The following GRID1 variants were observed in gnomAD, a reference collection of about 807,000 sequenced individuals.
GRID1 encodes glutamate ionotropic receptor delta type subunit 1.
GRID1 carries 28 observed loss-of-function variants against 98.0 expected under a neutral mutation model. That is an observed-to-expected ratio of 0.29 (90% CI 0.21 to 0.39). The LOEUF (loss-of-function observed/expected upper bound fraction) is 0.39. Among genes scored for constraint, GRID1 ranks in the 10% least tolerant of loss-of-function variants. The probability of loss-of-function intolerance (pLI) is 1.00; values close to 1 mark genes in which losing one functional copy is unlikely to be tolerated. For missense variants in GRID1, 1,111 were observed against 1,340.5 expected, an observed-to-expected ratio of 0.83 and a Z score of 2.67; for synonymous variants, 553 against 538.5, an observed-to-expected ratio of 1.03 and a Z score of -0.37.
intron 2 of GRID1, among the ~76,000 whole-genome samples, chr10:86,267,412 T>C (rs1253704968): frequency 6.6e-6 from 1 of 152,218 alleles, no homozygotes; most frequent in East Asian, 1.9e-4. Flanking sequence ...AGTGCCCATC[T>C]CTTCCTGACA....
chr10:85,607,770 A>G (rs370633027), intron 15 of GRID1, among the ~76,000 whole-genome samples: 2 of 151,368 alleles, frequency 1.3e-5, no homozygotes, highest in Non-Finnish European at 1.5e-5. Context: ...GAGAACTCAC[A>G]TCTACCAGGT....
chr10:86,016,936 G>C (rs1842988410), intron 4 of GRID1, among the ~76,000 whole-genome samples: 2 of 152,172 alleles, frequency 1.3e-5, no homozygotes, highest in Admixed American at 1.3e-4. Flanking sequence ...TTGGTCTTGA[G>C]TCTAGCATGG....
intron 2 of GRID1, among the ~76,000 whole-genome samples, chr10:86,250,715 G>A (rs938483710): frequency 1.1e-4 from 16 of 151,860 alleles, no homozygotes; most frequent in Non-Finnish European, 2.4e-4. Context: ...CCGCCGCCCC[G>A]TCTGGGAGGT....
At chr10:85,986,453 G>C (rs1463094011) in intron 4 of GRID1, among the ~76,000 whole-genome samples, 2 of 152,226 alleles carry the variant, frequency 1.3e-5, no homozygotes, top group Non-Finnish European at 2.9e-5. Flanking sequence ...AATTGTGTTA[G>C]TTGCAGAGAC....
intron 4 of GRID1, among the ~76,000 whole-genome samples, chr10:86,133,000 T>C (rs1844861390): frequency 6.6e-6 from 1 of 152,274 alleles, no homozygotes; most frequent in Non-Finnish European, 1.5e-5. Flanking sequence ...CCAGCTTTTC[T>C]CTCTGCTGTT....
chr10:85,751,573 G>A (rs780296967), intron 8 of GRID1, among the ~76,000 whole-genome samples: 1 of 152,076 alleles, frequency 6.6e-6, no homozygotes, highest in Non-Finnish European at 1.5e-5. Flanking sequence ...AAACTTAGTA[G>A]AGCTCAATCT....
chr10:86,105,386 G>A (rs547919948), intron 4 of GRID1, among the ~76,000 whole-genome samples: 101 of 152,212 alleles, frequency 6.6e-4, no homozygotes, highest in Non-Finnish European at 1.2e-3. Context: ...GCACAGAGCC[G>A]GTCAGAAGCA....
chr10:86,129,320 A>G (rs1025983695), intron 4 of GRID1, among the ~76,000 whole-genome samples: 1 of 152,140 alleles, frequency 6.6e-6, no homozygotes, highest in African/African-American at 2.4e-5. Context: ...CAGGAGAAAA[A>G]TGGGCTCTCC....
chr10:86,136,453 G>A (rs1220970542), intron 4 of GRID1, among the ~76,000 whole-genome samples: 1 of 152,208 alleles, frequency 6.6e-6, no homozygotes, highest in Non-Finnish European at 1.5e-5. Context: ...ATGGAAGAGA[G>A]GGGCTCTGGA....
At chr10:85,762,998 G>A (rs947272818) in intron 8 of GRID1, among the ~76,000 whole-genome samples, 2 of 152,204 alleles carry the variant, frequency 1.3e-5, no homozygotes, top group Admixed American at 1.3e-4. Context: ...CTGGGAAACT[G>A]CAGCAGAGCA....
chr10:85,884,750 C>G (rs185989673), intron 5 of GRID1, among the ~76,000 whole-genome samples: 36 of 152,244 alleles, frequency 2.4e-4, no homozygotes, highest in Non-Finnish European at 4.4e-4. Context: ...AAATGGTCAT[C>G]TTTAGAACTA....
At chr10:86,117,339 C>T (rs62644042) in intron 4 of GRID1, among the ~76,000 whole-genome samples, 133,298 of 151,700 alleles carry the variant, frequency 0.88, 58,705 homozygotes, top group East Asian at 1. Flanking sequence ...ATCATCACCA[C>T]CACTACCACT....
intron 3 of GRID1, among the ~76,000 whole-genome samples, chr10:86,155,224 G>A (rs1337748749): frequency 4.6e-5 from 7 of 152,198 alleles, no homozygotes; most frequent in Non-Finnish European, 8.8e-5. Context: ...AGGCCCTCTG[G>A]TGGCCCTGGG....
chr10:85,600,180 G>C lies in GRID1; in HGVS notation c.*2093C>G, dbSNP rs1842554801. On this transcript the variant is annotated 3_prime_UTR_variant, in exon 16 of 16. Transcript: ENST00000327946. ...CCATTCAGGGCAGGGCCCCCAACGT[G>C]CTGATGGAAAACAAAGCCTGCTCTT... The C allele has an allele frequency of 6.6e-6, 1 of 152,434 alleles. No individual in the cohort carries two copies. The highest frequency in any genetic ancestry group is 2.4e-5 in the African/African-American group (1 of 41,404). 9.4% of individuals were successfully genotyped at this position (152,434 alleles called of 1,614,324 possible).
At chr10:85,823,016 C>T (rs944373433) in intron 8 of GRID1, among the ~76,000 whole-genome samples, 15 of 152,220 alleles carry the variant, frequency 9.9e-5, no homozygotes, top group African/African-American at 3.6e-4. Context: ...GGAAGGGGAA[C>T]ATCACACACC....
In GRID1 at chr10:86,082,323, T is replaced by C. The variant is rs1017138309; in HGVS notation, c.726+56496A>G. On this transcript the variant is annotated intron_variant, in intron 4 of 15. Coordinates refer to ENST00000327946, the MANE Select transcript of GRID1 (RefSeq NM_017551.3). ...CATGAAGGACCCATTTGAGGGCAGG[T>C]GGAGTTCCTAGAGGCCAGTTGCAGC... 2.0e-5 allele frequency among the ~76,000 whole-genome samples: 3 copies of C among 152,162 alleles called. No homozygotes were observed. The East Asian group carries it at 5.8e-4, about 29-fold the overall frequency.
At chr10:85,759,902 C>T (rs1323120662) in intron 8 of GRID1, among the ~76,000 whole-genome samples, 1 of 152,196 alleles carries the variant, frequency 6.6e-6, no homozygotes, top group Admixed American at 6.5e-5. Context: ...TCTTCCACCT[C>T]TGAGGGCATC....
rs11201927 is a variant in GRID1, at chr10:86,180,313, C to T, written c.520+26051G>A. Among the ~76,000 whole-genome samples, 6 of 152,246 alleles carry T rather than the reference C, an allele frequency of 3.9e-5. No homozygotes were observed. In the East Asian group the frequency reaches 1.2e-3, roughly 30 times the overall value. On this transcript the variant is annotated intron_variant, in intron 3 of 15. Coordinates refer to ENST00000327946, the MANE Select transcript of GRID1 (RefSeq NM_017551.3). Reference sequence around the variant, plus strand: ...AGCCCCTCATTTTACCGACAAATGGCATAGAGGCCCAGAGTGATCGAACAG... The same window carrying T: ...AGCCCCTCATTTTACCGACAAATGGTATAGAGGCCCAGAGTGATCGAACAG...
chr10:85,728,073 G>C, intron 9 of GRID1, 21 bp from the exon 10 acceptor site: 1 of 1,520,560 alleles, frequency 6.6e-7, no homozygotes, highest in Non-Finnish European at 9.1e-7. Flanking sequence ...CAGAATGAAG[G>C]TTCTCCAATT....
Sources: allele counts gnomAD v4.1 joint callset (sites outside exome capture counted in the v4.1 genomes callset), GRCh38; gene constraint gnomAD v4.1.1; transcripts MANE v1.5; gene names NCBI Gene and HGNC (gene_info 2026-07-23, HGNC 2026-07-21).